TNRC6B: variants seen among roughly 807,000 people sequenced by gnomAD.
The protein encoded by TNRC6B is trinucleotide repeat containing adaptor 6B.
In TNRC6B, 52 loss-of-function variants were observed where a neutral mutation model predicts 203.6. The ratio of observed to expected loss-of-function variants is 0.26; its 90% CI spans 0.20 to 0.32. The LOEUF (loss-of-function observed/expected upper bound fraction) is 0.32. Among genes scored for constraint, TNRC6B ranks in the 10% least tolerant of loss-of-function variants. The pLI is 1.00. For missense variants in TNRC6B, 1,923 were observed against 2,286.2 expected, an observed-to-expected ratio of 0.84 and a Z score of 3.24; for synonymous variants, 838 against 845.7, an observed-to-expected ratio of 0.99 and a Z score of 0.16.
In TNRC6B at chr22:40,197,502, T is replaced by G. The variant is rs2069355971; in HGVS notation, c.5+19362T>G. Among the ~76,000 whole-genome samples the G allele has an allele frequency of 2.0e-5, 3 of 152,050 alleles. No individual in the cohort carries two copies. The South Asian group carries it at 6.2e-4, about 31-fold the overall frequency. ...CGGGGTTTCACTATGTTGGCCAGGCTGTTCTCAAACTCCTGACCTCATGAT... is the reference window on the plus strand; with the variant it reads ...CGGGGTTTCACTATGTTGGCCAGGCGGTTCTCAAACTCCTGACCTCATGAT... On this transcript the variant is annotated intron_variant, in intron 1 of 22. Coordinates refer to ENST00000454349, the MANE Select transcript of TNRC6B (RefSeq NM_001162501.2).
chr22:40,255,732 G>A (rs2070265795), intron 3 of TNRC6B, among the ~76,000 whole-genome samples: 1 of 152,216 alleles, frequency 6.6e-6, no homozygotes, highest in Admixed American at 6.5e-5. Flanking sequence ...AATCTGGCCC[G>A]AACTACACAA....
intron 3 of TNRC6B, chr22:40,253,675 ACAG>A (rs1252404058): frequency 4.4e-6 from 2 of 456,344 alleles, no homozygotes; most frequent in African/African-American, 4.0e-5. Context: ...TAATTGTTAG[ACAG>A]CAAGTAAAAA....
At chr22:40,084,651 GAATT>G (rs1161373233) in intron 1 of TNRC6B, among the ~76,000 whole-genome samples, 2 of 152,048 alleles carry the variant, frequency 1.3e-5, no homozygotes, top group African/African-American at 4.8e-5. Flanking sequence ...TGAGTGGAGA[GAATT>G]AATCCAGTCT....
At chr22:40,242,436 C>CT (rs907702738) in intron 1 of TNRC6B, among the ~76,000 whole-genome samples, 151 of 146,268 alleles carry the variant, frequency 1.0e-3, no homozygotes, top group South Asian at 4.5e-3. Flanking sequence ...TTTTTCTTTT[C>CT]TTTTTTTTTT....
At chr22:40,224,977 G>A (rs1466749504) in intron 1 of TNRC6B, among the ~76,000 whole-genome samples, 1 of 152,140 alleles carries the variant, frequency 6.6e-6, no homozygotes, top group African/African-American at 2.4e-5. Flanking sequence ...GTATTGTTAG[G>A]TGCTTTCCAT....
intron 12 of TNRC6B, among the ~76,000 whole-genome samples, chr22:40,296,568 G>T (rs1014633605): frequency 6.6e-6 from 1 of 151,350 alleles, no homozygotes; most frequent in Non-Finnish European, 1.5e-5. Context: ...TCCTCACCTC[G>T]TGACCCACCT....
intron 1 of TNRC6B, among the ~76,000 whole-genome samples, chr22:40,109,250 G>A (rs1052208098): frequency 6.6e-6 from 1 of 152,148 alleles, no homozygotes; most frequent in African/African-American, 2.4e-5. Context: ...ACATACGCGT[G>A]TATGTATCTT....
At chr22:40,075,156 A>ATATTTTTTTTTTTTTTT in intron 1 of TNRC6B, among the ~76,000 whole-genome samples, 3 of 35,558 alleles carry the variant, frequency 8.4e-5, no homozygotes, top group Non-Finnish European at 1.6e-4. Flanking sequence ...ATATATATAT[A>ATATTTTTTTTTTTTTTT]TTTTTTTTTT....
At chr22:40,138,268 T>C (rs758451067) in intron 3 of TNRC6B, among the ~76,000 whole-genome samples, 1 of 152,130 alleles carries the variant, frequency 6.6e-6, no homozygotes, top group Non-Finnish European at 1.5e-5. Context: ...GTTGTTACTG[T>C]TATCGTTATT....
At chr22:40,237,026 G>T (rs1461356011) in intron 1 of TNRC6B, among the ~76,000 whole-genome samples, 2 of 152,112 alleles carry the variant, frequency 1.3e-5, no homozygotes, top group East Asian at 1.9e-4. Flanking sequence ...TTAGCTGGGC[G>T]TGGTGGTGCA....
chr22:40,276,385 G>GA (rs995951366), intron 7 of TNRC6B, among the ~76,000 whole-genome samples: 1 of 151,828 alleles, frequency 6.6e-6, no homozygotes, highest in African/African-American at 2.4e-5. Flanking sequence ...TTTCACCTGT[G>GA]AAATACACAA....
chr22:40,327,514 G>C lies in TNRC6B; in HGVS notation c.*4273G>C, dbSNP rs1313309599. ...TCTTGGGCAAATAGAAGGGGTTCCT[G>C]TTGTTCTGCTCTTGTCCTTCGTCTC... is the stretch of plus-strand genomic sequence containing the variant. On this transcript the variant is annotated 3_prime_UTR_variant, in exon 23 of 23. Coordinates refer to ENST00000454349, the MANE Select transcript of TNRC6B (RefSeq NM_001162501.2). 1.3e-5 allele frequency: 2 copies of C among 152,526 alleles called. No individual in the cohort carries two copies. The highest frequency in any genetic ancestry group is 1.9e-4 in the East Asian group (1 of 5,196). The allele number at this position is 152,526 out of a possible 1,614,324, so 9.4% of individuals were successfully genotyped here.
chr22:40,074,954 T>A (rs2067992933), intron 1 of TNRC6B, among the ~76,000 whole-genome samples: 1 of 151,774 alleles, frequency 6.6e-6, no homozygotes, highest in Admixed American at 6.6e-5. Flanking sequence ...CGAGACCTTG[T>A]CTCAAAGAAA....
At chr22:40,244,005 G>A (rs1037011506) in intron 1 of TNRC6B, among the ~76,000 whole-genome samples, 6 of 150,224 alleles carry the variant, frequency 4.0e-5, no homozygotes, top group African/African-American at 1.5e-4. Flanking sequence ...GAAATACTCA[G>A]GCTGTGGTTG....
intron 1 of TNRC6B, among the ~76,000 whole-genome samples, chr22:40,102,660 A>C (rs747663879): frequency 6.6e-6 from 1 of 152,194 alleles, no homozygotes; most frequent in Non-Finnish European, 1.5e-5. Context: ...TAAATTGCCC[A>C]GTTGTGGTAG....
At chr22:40,227,949 C>A (rs2069814538) in intron 1 of TNRC6B, among the ~76,000 whole-genome samples, 1 of 152,172 alleles carries the variant, frequency 6.6e-6, no homozygotes. Context: ...GTTTAGGAGC[C>A]ATATTTCATC....
chr22:40,198,583 T>A (rs2069370081), intron 1 of TNRC6B, among the ~76,000 whole-genome samples: 1 of 151,904 alleles, frequency 6.6e-6, no homozygotes, highest in African/African-American at 2.4e-5. Context: ...TGGTTGAATA[T>A]AGGAGGATTG....
intron 3 of TNRC6B, among the ~76,000 whole-genome samples, chr22:40,257,454 T>C (rs1169627652): frequency 6.6e-6 from 1 of 152,194 alleles, no homozygotes; most frequent in Admixed American, 6.5e-5. Context: ...CGGTAGCTCA[T>C]GCCTTTTATC....
chr22:40,291,609 A>G (rs1373403294), intron 12 of TNRC6B, among the ~76,000 whole-genome samples: 1 of 152,214 alleles, frequency 6.6e-6, no homozygotes, highest in Admixed American at 6.5e-5. Context: ...GCTATGTAGC[A>G]TTCACGGTGA....
Sources: allele counts gnomAD v4.1 joint callset (sites outside exome capture counted in the v4.1 genomes callset), GRCh38; gene constraint gnomAD v4.1.1; transcripts MANE v1.5; gene names NCBI Gene and HGNC (gene_info 2026-07-23, HGNC 2026-07-21).